The following DNTT variants were observed in gnomAD, a reference collection of about 807,000 sequenced individuals.
DNTT encodes nucleosidetriphosphate:DNA deoxynucleotidylexotransferase.
Under a neutral mutation model 60.9 loss-of-function variants are expected in DNTT, and 47 were observed. The ratio of observed to expected loss-of-function variants is 0.77; its 90% CI spans 0.61 to 0.98. The LOEUF is 0.98. Among genes scored for constraint, DNTT ranks in the 50% least tolerant of loss-of-function variants. The pLI is 0.00. For missense variants in DNTT, 665 were observed against 627.5 expected (o/e 1.06, Z -0.64); for synonymous variants, 224 against 221.2 (o/e 1.01, Z -0.11).
At chr10:96,311,574 A>G (rs112659599) in intron 1 of DNTT, among the ~76,000 whole-genome samples, 2,102 of 152,344 alleles carry the variant, frequency 0.014, 22 homozygotes, top group Non-Finnish European at 0.021. Context: ...TGAGTGCCAC[A>G]GTCACGATTC....
Position 96,327,335 on chromosome 10 carries a change from G to A in DNTT, c.875-133G>A, listed in dbSNP as rs1844947647. 3 of 1,330,058 alleles carry A rather than the reference G, an allele frequency of 2.3e-6. No individual in the cohort carries two copies. The African/African-American group carries it at 4.3e-5, about 19-fold the overall frequency. 82.4% of individuals were successfully genotyped at this position (1,330,058 alleles called of 1,614,324 possible). ...GAACCACATGGACTATTCTGTCTCT[G>A]TGGGAATGGAGTTTGGTGTTGATGC... On this transcript the variant is annotated intron_variant, in intron 6 of 10. Transcript: ENST00000371174.
intron 8 of DNTT, 86 bp downstream of exon 8, chr10:96,328,916 A>T (rs1844972261): frequency 7.8e-7 from 1 of 1,278,908 alleles, no homozygotes. Context: ...ATAATTGTGT[A>T]ATGACCATCT....
intron 3 of DNTT, among the ~76,000 whole-genome samples, 188 bp from the exon 4 acceptor site, chr10:96,320,430 C>T (rs1217433317): frequency 6.6e-6 from 1 of 152,192 alleles, no homozygotes; most frequent in Non-Finnish European, 1.5e-5. Flanking sequence ...TGGTACCTGT[C>T]TTTTCAATTC....
At chr10:96,325,948 T>A (rs1370185009) in intron 6 of DNTT, among the ~76,000 whole-genome samples, 1 of 152,234 alleles carries the variant, frequency 6.6e-6, no homozygotes, top group Non-Finnish European at 1.5e-5. Context: ...AGTCAGTTTA[T>A]GAACTATAGC....
In DNTT at chr10:96,328,760, T is replaced by C; in HGVS notation, c.1043T>C (p.Ile348Thr). 3 of 1,613,918 alleles carry C rather than the reference T, an allele frequency of 1.9e-6. No homozygotes were observed. The highest frequency in any genetic ancestry group is 2.5e-6 in the Non-Finnish European group (3 of 1,179,924). The change falls in exon 8 of 11, where the codon ATT (isoleucine) becomes ACT (threonine). Residue 348 changes from isoleucine to threonine, a missense_variant. By Grantham distance (89) the Ile-to-Thr change is moderately conservative. Coordinates refer to ENST00000371174, the MANE Select transcript of DNTT (RefSeq NM_004088.4). ...ATGGGGCATGATGTAGATTTTTTAA[T>C]TACCAGCCCAGGATCAACAGAGGAT... ...KKMGHDVDFL[I>T]TSPGSTEDEE... is the part of the protein sequence containing the mutation.
At chr10:96,317,902 C>T (rs984958138) in intron 1 of DNTT, among the ~76,000 whole-genome samples, 1 of 152,178 alleles carries the variant, frequency 6.6e-6, no homozygotes, top group Admixed American at 6.5e-5. Context: ...TACATCTGTA[C>T]CTATTTCTAT....
intron 4 of DNTT, 76 bp from the exon 5 acceptor site, chr10:96,322,581 G>A (rs963223459): frequency 1.7e-6 from 2 of 1,209,480 alleles, no homozygotes; most frequent in African/African-American, 1.5e-5. Context: ...CAAACTACTA[G>A]GTCCATGAAT....
chr10:96,315,725 T>C (rs1844778280), intron 1 of DNTT, among the ~76,000 whole-genome samples: 2 of 151,190 alleles, frequency 1.3e-5, no homozygotes, highest in Admixed American at 1.3e-4. Context: ...TTTATTGTAA[T>C]AATATTATAA....
rs2133987990 is a variant in DNTT at position 96,319,297 on chromosome 10, C to A, written c.414C>A (p.Gly138=). The A allele has an allele frequency of 6.2e-7, 1 of 1,613,718 alleles. No homozygotes were observed. The highest frequency in any genetic ancestry group is 8.5e-7 in the Non-Finnish European group (1 of 1,179,736). The change falls in exon 3 of 11, where the codon GGC becomes GGA. Residue 138 remains glycine (G), a synonymous_variant. Coordinates refer to ENST00000371174, the MANE Select transcript of DNTT (RefSeq NM_004088.4). Reference sequence around the variant, plus strand: ...ACTATTCAGATAGCACCAACCCAGGCCCCCCGAAGACTCCACCAATTGCTG... The same window carrying A: ...ACTATTCAGATAGCACCAACCCAGGACCCCCGAAGACTCCACCAATTGCTG... The part of the protein sequence containing the change: ...RRDYSDSTNP[G]PPKTPPIAVQ...
chr10:96,320,917 AT>A (rs1339904804), intron 4 of DNTT, 129 bp downstream of exon 4: 1 of 1,091,544 alleles, frequency 9.2e-7, no homozygotes, highest in African/African-American at 1.6e-5. Context: ...TCCTTTATAC[AT>A]ATTCCTCTCT....
chr10:96,322,654 TAGG>T lies in DNTT; in HGVS notation c.679_681del (p.Glu227del). The T allele has an allele frequency of 6.3e-7, 1 of 1,598,948 alleles. No individual in the cohort carries two copies. Among genetic ancestry groups the T allele is most frequent in the Non-Finnish European group, 8.6e-7 (1 of 1,169,050 alleles). On this transcript the variant is annotated splice_acceptor_variant and coding_sequence_variant, in exon 5 of 11. Transcript: ENST00000371174. LOFTEE classifies it high-confidence loss of function. Reference sequence around the variant, plus strand: ...TTTAAAATATTTTTCAACTGTCCATTAGGAGATTATTGAAGATGGAGAAAGTTC... The same window carrying T: ...TTTAAAATATTTTTCAACTGTCCATTAGATTATTGAAGATGGAGAAAGTTC...
At chr10:96,317,640 T>C (rs542106130) in intron 1 of DNTT, among the ~76,000 whole-genome samples, 36 of 152,166 alleles carry the variant, frequency 2.4e-4, no homozygotes, top group South Asian at 8.3e-4. Context: ...GAATGAGAAA[T>C]TAATGTCCTT....
intron 1 of DNTT, among the ~76,000 whole-genome samples, chr10:96,307,511 C>A (rs766873070): frequency 1.2e-4 from 18 of 150,364 alleles, no homozygotes; most frequent in Non-Finnish European, 2.5e-4. Flanking sequence ...CGCGTCAGCA[C>A]GCCCAGATAA....
At chr10:96,314,569 C>T (rs1486122503) in intron 1 of DNTT, among the ~76,000 whole-genome samples, 5 of 150,358 alleles carry the variant, frequency 3.3e-5, no homozygotes, top group African/African-American at 1.2e-4. Context: ...CGTTCCACCA[C>T]GCCCAGCTAA....
chr10:96,317,095 T>G (rs1251854444), intron 1 of DNTT, among the ~76,000 whole-genome samples: 1 of 152,192 alleles, frequency 6.6e-6, no homozygotes, highest in Non-Finnish European at 1.5e-5. Flanking sequence ...TTGCTCAGAT[T>G]TATAGACTAT....
At chr10:96,309,150 C>T (rs951510181) in intron 1 of DNTT, among the ~76,000 whole-genome samples, 3 of 152,144 alleles carry the variant, frequency 2.0e-5, no homozygotes, top group African/African-American at 7.2e-5. Context: ...TTCCATTGTT[C>T]AAGCAGCTTG....
intron 1 of DNTT, among the ~76,000 whole-genome samples, chr10:96,314,265 C>T (rs1844756759): frequency 6.6e-6 from 1 of 152,080 alleles, no homozygotes; most frequent in Admixed American, 6.6e-5. Flanking sequence ...GCAGCTCCCT[C>T]CTTTTCCAAA....
chr10:96,318,666 A>T (rs751211790), intron 2 of DNTT, 140 bp downstream of exon 2: 1 of 952,708 alleles, frequency 1.0e-6, no homozygotes, highest in Non-Finnish European at 1.5e-6. Flanking sequence ...AGCTTTACTG[A>T]GCTTCAGTCT....
rs1844859815 is a variant in DNTT at position 96,320,778 on chromosome 10, G to GT, written c.669dup (p.Ile224TyrfsTer7). Reference sequence around the variant, plus strand: ...CCCTGCCTGGGGTCCAAGGTGAAGGGTATCATAGAGGTAAGGGTGAAATGG... The same window carrying GT: ...CCCTGCCTGGGGTCCAAGGTGAAGGGTTATCATAGAGGTAAGGGTGAAATGG... On this transcript the variant is annotated frameshift_variant, in exon 4 of 11. Coordinates refer to ENST00000371174, the MANE Select transcript of DNTT (RefSeq NM_004088.4). LOFTEE classifies it high-confidence loss of function. 6.2e-7 allele frequency: 1 copy of GT among 1,613,516 alleles called. No homozygotes were observed. Among genetic ancestry groups the GT allele is most frequent in the Non-Finnish European group, 8.5e-7 (1 of 1,179,668 alleles).
Sources: gnomAD v4.1 joint callset for allele counts (sites outside exome capture counted in the v4.1 genomes callset) on GRCh38, gnomAD v4.1.1 for gene constraint, MANE v1.5 for transcripts, NCBI Gene and HGNC (gene_info 2026-07-23, HGNC 2026-07-21) for gene names.